Variants in PCDH15 observed in about 807,000 individuals in gnomAD.
The protein encoded by PCDH15 is protocadherin related 15.
In PCDH15, 129 loss-of-function variants were observed where a neutral mutation model predicts 178.5. The ratio of observed to expected loss-of-function variants is 0.72; its 90% CI spans 0.63 to 0.84. PCDH15 has a LOEUF of 0.84. PCDH15 is among the 40% of genes least tolerant of loss of function. The pLI is 0.00. For missense variants in PCDH15, 2,230 were observed against 2,099.9 expected, an observed-to-expected ratio of 1.06 and a Z score of -1.21; for synonymous variants, 800 against 732.0, an observed-to-expected ratio of 1.09 and a Z score of -1.50.
intron 5 of PCDH15, among the ~76,000 whole-genome samples, chr10:54,360,123 G>A (rs796574720): frequency 5.9e-5 from 9 of 152,030 alleles, no homozygotes; most frequent in African/African-American, 2.2e-4. Flanking sequence ...CCTTTCCCAG[G>A]AAACCAACCA....
chr10:54,998,295 T>C (rs1839697145), intron 2 of PCDH15, among the ~76,000 whole-genome samples: 1 of 152,086 alleles, frequency 6.6e-6, no homozygotes, highest in African/African-American at 2.4e-5. Flanking sequence ...TTTCTCTGTG[T>C]GTCTATCTTC....
intron 2 of PCDH15, among the ~76,000 whole-genome samples, chr10:54,640,911 C>A (rs1280829967): frequency 1.3e-5 from 2 of 152,016 alleles, no homozygotes; most frequent in African/African-American, 2.4e-5. Flanking sequence ...GGAGACCAGC[C>A]TGGCTGACAT....
intron 3 of PCDH15, among the ~76,000 whole-genome samples, chr10:54,867,689 T>C (rs1355939208): frequency 6.6e-6 from 1 of 152,118 alleles, no homozygotes; most frequent in Non-Finnish European, 1.5e-5. Context: ...ATTACAATAT[T>C]GCAATTAATT....
At chr10:55,354,333 C>T (rs949417576) in intron 2 of PCDH15, among the ~76,000 whole-genome samples, 3 of 152,036 alleles carry the variant, frequency 2.0e-5, no homozygotes, top group Non-Finnish European at 4.4e-5. Context: ...TTGTGTCACA[C>T]ATTGAGCTTA....
chr10:54,879,182 T>TTGTTTG, intron 3 of PCDH15, among the ~76,000 whole-genome samples: 1 of 149,128 alleles, frequency 6.7e-6, no homozygotes, highest in African/African-American at 2.5e-5. Context: ...CACGTGCTGT[T>TTGTTTG]TGTGTGTGTG....
At chr10:55,064,552 C>G (rs1381494155) in intron 2 of PCDH15, among the ~76,000 whole-genome samples, 2 of 151,938 alleles carry the variant, frequency 1.3e-5, no homozygotes, top group Non-Finnish European at 2.9e-5. Flanking sequence ...TAATAAGTGT[C>G]TAGTTTCTGC....
chr10:54,351,399 G>A (rs908722547), intron 5 of PCDH15, among the ~76,000 whole-genome samples: 4 of 151,976 alleles, frequency 2.6e-5, no homozygotes, highest in Non-Finnish European at 4.4e-5. Flanking sequence ...CAGCCTATTT[G>A]CATCCAAAAG....
chr10:55,514,684 T>C (rs567127117), intron 2 of PCDH15, among the ~76,000 whole-genome samples: 30 of 152,288 alleles, frequency 2.0e-4, no homozygotes, highest in Non-Finnish European at 3.5e-4. Context: ...CCTCTGGGTA[T>C]GGGACAGGAC....
At chr10:54,933,008 C>A (rs994601990) in intron 2 of PCDH15, among the ~76,000 whole-genome samples, 3 of 152,062 alleles carry the variant, frequency 2.0e-5, no homozygotes, top group Non-Finnish European at 2.9e-5. Flanking sequence ...TTTACTGTAT[C>A]TTTTCTATGT....
intron 8 of PCDH15, among the ~76,000 whole-genome samples, chr10:54,243,697 A>G (rs781485294): frequency 1.2e-4 from 18 of 152,194 alleles, no homozygotes; most frequent in Non-Finnish European, 2.2e-4. Flanking sequence ...ATTATATGTT[A>G]CCTTTAGAGG....
chr10:54,483,708 T>C (rs564435570), intron 3 of PCDH15, among the ~76,000 whole-genome samples: 3 of 152,070 alleles, frequency 2.0e-5, no homozygotes, highest in South Asian at 4.1e-4. Flanking sequence ...TTTTCTCCTT[T>C]ATTTCTTCCA....
intron 2 of PCDH15, among the ~76,000 whole-genome samples, chr10:55,093,270 A>G (rs1273250179): frequency 5.9e-5 from 9 of 152,084 alleles, no homozygotes; most frequent in Admixed American, 5.9e-4. Context: ...TAGCTACTAC[A>G]TAATGTGTCA....
At chr10:55,374,692 T>C (rs776410348) in intron 2 of PCDH15, among the ~76,000 whole-genome samples, 1 of 151,954 alleles carries the variant, frequency 6.6e-6, no homozygotes, top group Non-Finnish European at 1.5e-5. Context: ...TTACTACCCA[T>C]GAATACAAAA....
intron 1 of PCDH15, among the ~76,000 whole-genome samples, chr10:55,173,344 TG>T (rs1839393009): frequency 6.6e-6 from 1 of 151,532 alleles, no homozygotes; most frequent in Non-Finnish European, 1.5e-5. Context: ...TGTGTGTGTG[TG>T]TATGTGTATG....
At chr10:54,727,503 A>G (rs1330027889) in intron 1 of PCDH15, among the ~76,000 whole-genome samples, 1 of 151,216 alleles carries the variant, frequency 6.6e-6, no homozygotes, top group African/African-American at 2.4e-5. Flanking sequence ...GACAGATTTC[A>G]CACTAACAAC....
chr10:54,359,127 T>A (rs1263387563), intron 5 of PCDH15, among the ~76,000 whole-genome samples: 2 of 151,804 alleles, frequency 1.3e-5, no homozygotes, highest in Non-Finnish European at 2.9e-5. Context: ...AACCTGCACA[T>A]TGTGCACATG....
intron 3 of PCDH15, among the ~76,000 whole-genome samples, chr10:54,478,241 C>T (rs1020852882): frequency 1.3e-5 from 2 of 151,912 alleles, no homozygotes; most frequent in African/African-American, 4.8e-5. Context: ...AAATTCCAAT[C>T]GGCAGGCATA....
At chr10:54,172,610 G>A (rs1338825624) in intron 13 of PCDH15, among the ~76,000 whole-genome samples, 1 of 152,062 alleles carries the variant, frequency 6.6e-6, no homozygotes, top group African/African-American at 2.4e-5. Flanking sequence ...TCATTTATTG[G>A]ACATATACTA....
At chr10:55,090,315 A>G (rs901292221) in intron 2 of PCDH15, among the ~76,000 whole-genome samples, 18 of 152,078 alleles carry the variant, frequency 1.2e-4, no homozygotes, top group Non-Finnish European at 2.1e-4. Context: ...TTCAGCACAG[A>G]GTAGAGCCTT....
Sources: gnomAD v4.1 joint callset for allele counts (sites outside exome capture counted in the v4.1 genomes callset) on GRCh38, gnomAD v4.1.1 for gene constraint, MANE v1.5 for transcripts, NCBI Gene and HGNC (gene_info 2026-07-23, HGNC 2026-07-21) for gene names.